Variants in CCDC18 observed in about 807,000 individuals in gnomAD.
The protein encoded by CCDC18 is coiled-coil domain-containing protein 18.
CCDC18 carries 157 observed loss-of-function variants against 196.0 expected under a neutral mutation model. The ratio of observed to expected loss-of-function variants is 0.80; its 90% CI spans 0.70 to 0.91. The LOEUF (loss-of-function observed/expected upper bound fraction) is 0.91, where lower values mean the gene tolerates loss of function less well. Ranked by LOEUF, CCDC18 falls within the 40% of genes least tolerant of loss-of-function variation. CCDC18 has a pLI of 0.00. For missense variants in CCDC18, 1,465 were observed against 1,611.6 expected (o/e 0.91, Z 1.56); for synonymous variants, 482 against 529.2 (o/e 0.91, Z 1.22).
intron 28 of CCDC18, among the ~76,000 whole-genome samples, chr1:93,274,805 A>G (rs1304019377): frequency 6.6e-6 from 1 of 152,220 alleles, no homozygotes; most frequent in Non-Finnish European, 1.5e-5. Flanking sequence ...TTATCATGCA[A>G]TGCAGCAAGA....
Position 93,249,931 on chromosome 1 carries a change from T to C in CCDC18, c.3198+2977T>C, listed in dbSNP as rs566927456. On this transcript the variant is annotated intron_variant, in intron 23 of 28. Coordinates refer to ENST00000690025, the MANE Select transcript of CCDC18 (RefSeq NM_001378204.1). ...TTGTTATGTTGTATATCCATTTTTA[T>C]TTGTTTCAAGACATTAAAATTTTTT... Among the ~76,000 whole-genome samples the C allele has an allele frequency of 2.0e-5, 3 of 152,320 alleles. No individual in the cohort carries two copies. In the South Asian group the frequency reaches 6.2e-4, roughly 32 times the overall value.
In CCDC18 at chr1:93,256,537, A is replaced by G. The variant is rs779788473; in HGVS notation, c.3545A>G (p.Lys1182Arg). 6.2e-7 allele frequency: 1 copy of G among 1,605,192 alleles called. No individual in the cohort carries two copies. The highest frequency in any genetic ancestry group is 1.1e-5 in the South Asian group (1 of 90,636). ...GATATGAAGCAACTCTCTAAAGAGA[A>G]AGTAATCCCTATTTTAAATAATCTT... ...LEDMKQLSKE[K>R]DAHGNHLAEE... The change falls in exon 25 of 29, where the codon AAA becomes AGA. Residue 1182 changes from lysine (K) to arginine (R), a missense_variant and splice_region_variant. Transcript: ENST00000690025.
intron 1 of CCDC18, among the ~76,000 whole-genome samples, chr1:93,182,223 T>G (rs1207495777): frequency 6.6e-6 from 1 of 152,224 alleles, no homozygotes; most frequent in Non-Finnish European, 1.5e-5. Flanking sequence ...TGCCACTTTC[T>G]TTCCATAAGG....
At chr1:93,226,177 A>G (rs61799496) in intron 16 of CCDC18, among the ~76,000 whole-genome samples, 156 bp from the exon 17 acceptor site, 28,261 of 151,912 alleles carry the variant, frequency 0.19, 2,893 homozygotes, top group East Asian at 0.31. Context: ...GAATTAGTTT[A>G]CTCAATAAAT....
chr1:93,229,076 C>T (rs1658847823), intron 17 of CCDC18, among the ~76,000 whole-genome samples: 1 of 152,132 alleles, frequency 6.6e-6, no homozygotes, highest in South Asian at 2.1e-4. Context: ...GCATGTGCCA[C>T]CACACCTGGC....
In CCDC18 at chr1:93,207,263, T is replaced by G; in HGVS notation, c.1074T>G (p.Phe358Leu). ...AAGACGAAATACTTAGAGACAAATTTTCTTTAATGAATGAAAACCGAGAAT... is the reference window on the plus strand; with the variant it reads ...AAGACGAAATACTTAGAGACAAATTGTCTTTAATGAATGAAAACCGAGAAT... ...ENKDEILRDK[F>L]SLMNENRELK... The change falls in exon 9 of 29, where the codon TTT (phenylalanine) becomes TTG (leucine). Residue 358 changes from phenylalanine to leucine, a missense_variant. Physicochemically the swap from Phe to Leu is conservative, Grantham distance 22. Transcript: ENST00000690025. 6.2e-7 allele frequency: 1 copy of G among 1,613,688 alleles called. No individual in the cohort carries two copies. The highest frequency in any genetic ancestry group is 1.3e-5 in the African/African-American group (1 of 75,004).
At position 93,270,711 on chromosome 1, in the gene CCDC18, A is replaced by G. The variant is rs1665168167; in HGVS notation, c.4250A>G (p.Glu1417Gly). 10 of 1,550,350 alleles carry G rather than the reference A, an allele frequency of 6.5e-6. No individual in the cohort carries two copies. Among genetic ancestry groups the G allele is most frequent in the Non-Finnish European group, 8.7e-6 (10 of 1,146,862 alleles). ...LTYNLEADSS[E>G]NNDFNTLSGM... ...TATAACCTAGAAGCTGATAGTTCTG[A>G]GAATAATGACTTTAACACGCTTAGT... The change falls in exon 28 of 29, where the codon GAG becomes GGG. Residue 1417 changes from glutamate (E) to glycine (G), a missense_variant. Physicochemically the swap from Glu to Gly is moderately conservative, Grantham distance 98. Coordinates refer to ENST00000690025, the MANE Select transcript of CCDC18 (RefSeq NM_001378204.1).
chr1:93,180,177 C>T (rs535235504), upstream of CCDC18: 1 of 1,613,512 alleles, frequency 6.2e-7, no homozygotes. Context: ...CCGCCCCAGG[C>T]AGCAGCACCG....
In CCDC18 at chr1:93,214,922, G is replaced by T. The variant is rs775934558; in HGVS notation, c.1675G>T (p.Glu559Ter). The T allele has an allele frequency of 6.2e-6, 10 of 1,609,758 alleles. No individual in the cohort carries two copies. In the African/African-American group the frequency reaches 1.2e-4, roughly 19 times the overall value. ...TAGTCAGTTTCAGCTGATTCAAGAG[G>T]AGCTGCTAGAGAAAGCTTCAAACTC... is the stretch of plus-strand genomic sequence containing the variant. ...RTSQFQLIQE[E>*]LLEKASNSSK... Residue 559 changes from glutamate (E) to a stop codon, truncating the protein, a stop_gained, in exon 12 of 29, where the codon GAG becomes TAG. Transcript: ENST00000690025. LOFTEE classifies it high-confidence loss of function.
At chr1:93,231,180 G>A (rs996619648) in intron 17 of CCDC18, among the ~76,000 whole-genome samples, 6 of 152,134 alleles carry the variant, frequency 3.9e-5, no homozygotes, top group Admixed American at 6.5e-5. Flanking sequence ...ATTCTCTTCC[G>A]CTATTTACTA....
intron 14 of CCDC18, among the ~76,000 whole-genome samples, chr1:93,220,605 G>A (rs962582381): frequency 2.0e-5 from 3 of 152,140 alleles, no homozygotes; most frequent in African/African-American, 7.2e-5. Flanking sequence ...TATATTCTTA[G>A]TTTCTACATT....
At chr1:93,215,024 T>C in intron 12 of CCDC18, 58 bp downstream of exon 12, 7 of 1,096,434 alleles carry the variant, frequency 6.4e-6, no homozygotes, top group Non-Finnish European at 9.0e-6. Context: ...CAAAAGGTAT[T>C]ATTTTAGGGT....
At chr1:93,208,980 C>T (rs1311788864) in intron 9 of CCDC18, among the ~76,000 whole-genome samples, 1 of 148,720 alleles carries the variant, frequency 6.7e-6, no homozygotes, top group Non-Finnish European at 1.5e-5. Flanking sequence ...TTTTTTGAAA[C>T]GAAGTTTCAC....
Position 93,183,439 on chromosome 1 carries a change from A to C in CCDC18, c.78A>C (p.Arg26Ser). 1 of 1,608,706 alleles carries C rather than the reference A, an allele frequency of 6.2e-7. No individual in the cohort carries two copies. The highest frequency in any genetic ancestry group is 8.5e-7 in the Non-Finnish European group (1 of 1,176,962). The change falls in exon 2 of 29, where the codon AGA becomes AGC. Residue 26 changes from arginine (R) to serine (S), a missense_variant. Coordinates refer to ENST00000690025, the MANE Select transcript of CCDC18 (RefSeq NM_001378204.1). ...TGCTTGCAAATGTTGCTTCCTTAAG[A>C]CATGAACTGAAGATAACAGAATGGA... The part of the protein sequence containing the change: ...ESLLANVASL[R>S]HELKITEWSL...
rs948390687 is a variant in CCDC18 at position 93,277,719 on chromosome 1, A to G, written c.4354-744A>G. 3.3e-5 allele frequency among the ~76,000 whole-genome samples: 5 copies of G among 152,084 alleles called. No homozygotes were observed. In the South Asian group the frequency reaches 6.2e-4, roughly 19 times the overall value. ...CTACTTCTTTCTACACAGACACAGT[A>G]ACAATCTGATCTCTCTTGCTTTTCC... On this transcript the variant is annotated intron_variant, in intron 28 of 28. Coordinates refer to ENST00000690025, the MANE Select transcript of CCDC18 (RefSeq NM_001378204.1).
chr1:93,243,717 G>A (rs1296707061), intron 21 of CCDC18, among the ~76,000 whole-genome samples: 1 of 152,136 alleles, frequency 6.6e-6, no homozygotes, highest in Non-Finnish European at 1.5e-5. Context: ...CAAATCTCTA[G>A]GGCAGGGGCA....
chr1:93,262,028 G>T (rs930766420), intron 26 of CCDC18, among the ~76,000 whole-genome samples: 1 of 152,176 alleles, frequency 6.6e-6, no homozygotes, highest in Non-Finnish European at 1.5e-5. Flanking sequence ...GAGAAAGAGT[G>T]TGTAAATGCC....
chr1:93,180,618 G>C, upstream of CCDC18: 1 of 1,342,412 alleles, frequency 7.4e-7, no homozygotes, highest in Non-Finnish European at 9.8e-7. Context: ...GGGCGCGCTC[G>C]CCGACCACGA....
chr1:93,218,246 A>T (rs1656816509), intron 14 of CCDC18, among the ~76,000 whole-genome samples: 1 of 152,226 alleles, frequency 6.6e-6, no homozygotes, highest in South Asian at 2.1e-4. Flanking sequence ...AAAAAAAAAT[A>T]GATACAGTAG....
Sources: gnomAD v4.1 joint callset for allele counts (sites outside exome capture counted in the v4.1 genomes callset) on GRCh38, gnomAD v4.1.1 for gene constraint, MANE v1.5 for transcripts, NCBI Gene and HGNC (gene_info 2026-07-23, HGNC 2026-07-21) for gene names.